DRC11: variants seen among roughly 807,000 people sequenced by gnomAD.
DRC11 encodes IQ and AAA domain-containing protein 1.
chr2:236,437,452 T>C, the DRC11 span, among the ~76,000 whole-genome samples: 2 of 151,870 alleles, frequency 1.3e-5, no homozygotes, highest in South Asian at 2.1e-4. Flanking sequence ...TTTGGGTATA[T>C]ACCCAGTAAT....
At chr2:236,355,749 C>CTCTCTCTCTG in the DRC11 span, among the ~76,000 whole-genome samples, 4 of 107,854 alleles carry the variant, frequency 3.7e-5, no homozygotes, top group African/African-American at 1.2e-4. Context: ...CTCTCTCTCT[C>CTCTCTCTCTG]TGTGTGTGTG....
chr2:236,487,929 C>A, the DRC11 span: 3,816 of 1,061,994 alleles, frequency 3.6e-3, 97 homozygotes, highest in African/African-American at 0.052. Context: ...GAAGCTCAGC[C>A]CCAAAATTGA....
chr2:236,357,358 T>G, the DRC11 span, among the ~76,000 whole-genome samples: 1 of 119,908 alleles, frequency 8.3e-6, no homozygotes, highest in African/African-American at 3.5e-5. Context: ...TATATGTATA[T>G]ATATTATAAA....
At chr2:236,468,962 TGA>T in the DRC11 span, among the ~76,000 whole-genome samples, 1 of 152,240 alleles carries the variant, frequency 6.6e-6, no homozygotes, top group Non-Finnish European at 1.5e-5. Flanking sequence ...ATATTTTACC[TGA>T]GTCTTTTCTC....
the DRC11 span, among the ~76,000 whole-genome samples, chr2:236,340,696 G>T: frequency 2.6e-5 from 4 of 152,282 alleles, no homozygotes; most frequent in African/African-American, 7.2e-5. Context: ...CAACCCAGTT[G>T]CCATGGTGAT....
At chr2:236,493,012 T>C in the DRC11 span, among the ~76,000 whole-genome samples, 2 of 152,228 alleles carry the variant, frequency 1.3e-5, no homozygotes, top group South Asian at 4.1e-4. Flanking sequence ...GTTTTCACAC[T>C]GCTGATAAAG....
At chr2:236,451,991 T>C in the DRC11 span, among the ~76,000 whole-genome samples, 1 of 152,238 alleles carries the variant, frequency 6.6e-6, no homozygotes, top group Non-Finnish European at 1.5e-5. Flanking sequence ...TTGATTTACA[T>C]GTGTCAAATG....
chr2:236,420,935 A>G, the DRC11 span, among the ~76,000 whole-genome samples: 30,561 of 152,084 alleles, frequency 0.2, 3,343 homozygotes, highest in Middle Eastern at 0.28. The surrounding 1 kb of genome is among the most constrained non-coding windows in gnomAD (Gnocchi z 4.8). Flanking sequence ...AAACTGTAAA[A>G]CTTTTCTGCT....
chr2:236,418,409 G>C, the DRC11 span, among the ~76,000 whole-genome samples: 2 of 152,192 alleles, frequency 1.3e-5, no homozygotes, highest in African/African-American at 4.8e-5. Context: ...ATTCCGACTG[G>C]ATTTTGGTCA....
At chr2:236,407,565 G>A in the DRC11 span, among the ~76,000 whole-genome samples, 2 of 152,118 alleles carry the variant, frequency 1.3e-5, no homozygotes, top group Non-Finnish European at 2.9e-5. Flanking sequence ...ATATAAAAGG[G>A]CACAGAAGAT....
the DRC11 span, chr2:236,344,529 C>G: frequency 2.6e-6 from 4 of 1,567,642 alleles, no homozygotes; most frequent in Non-Finnish European, 3.5e-6. Flanking sequence ...AAAGAAAAGG[C>G]AAAAGTAAGG....
the DRC11 span, among the ~76,000 whole-genome samples, chr2:236,479,577 C>T: frequency 6.6e-6 from 1 of 152,100 alleles, no homozygotes; most frequent in Non-Finnish European, 1.5e-5. This position sits in a 1 kb window ranked among gnomAD's most constrained non-coding sequence, Gnocchi z 4.1. Flanking sequence ...TGAGGACTTA[C>T]CTTTGATCAC....
At chr2:236,389,611 A>G in the DRC11 span, among the ~76,000 whole-genome samples, 2 of 152,100 alleles carry the variant, frequency 1.3e-5, no homozygotes, top group African/African-American at 2.4e-5. Context: ...AAATGCAGAA[A>G]TCACCCGTCT....
At chr2:236,443,123 A>T in the DRC11 span, among the ~76,000 whole-genome samples, 1 of 152,178 alleles carries the variant, frequency 6.6e-6, no homozygotes, top group African/African-American at 2.4e-5. This position sits in a 1 kb window ranked among gnomAD's most constrained non-coding sequence, Gnocchi z 4.4. Context: ...AGTCTGAATA[A>T]TATTATTTTT....
the DRC11 span, among the ~76,000 whole-genome samples, chr2:236,458,507 A>G: frequency 6.6e-6 from 1 of 152,154 alleles, no homozygotes; most frequent in Non-Finnish European, 1.5e-5. Context: ...TTTGAAGAAA[A>G]CCTCATTCAA....
At chr2:236,307,488 G>A in the DRC11 span, among the ~76,000 whole-genome samples, 2 of 152,228 alleles carry the variant, frequency 1.3e-5, no homozygotes, top group Non-Finnish European at 2.9e-5. This position sits in a 1 kb window ranked among gnomAD's most constrained non-coding sequence, Gnocchi z 7.0. Context: ...AAGCCTCACA[G>A]TGACTTGTCA....
chr2:236,469,604 T>C, the DRC11 span, among the ~76,000 whole-genome samples: 1 of 152,238 alleles, frequency 6.6e-6, no homozygotes, highest in Non-Finnish European at 1.5e-5. The surrounding 1 kb of genome is among the most constrained non-coding windows in gnomAD (Gnocchi z 5.8). Flanking sequence ...TATGTGTGTA[T>C]TCATGCATGT....
chr2:236,446,305 G>T, the DRC11 span, among the ~76,000 whole-genome samples: 1 of 152,138 alleles, frequency 6.6e-6, no homozygotes, highest in Non-Finnish European at 1.5e-5. This position sits in a 1 kb window ranked among gnomAD's most constrained non-coding sequence, Gnocchi z 6.2. Context: ...AGGGGAGAGG[G>T]CAGATGATCA....
the DRC11 span, among the ~76,000 whole-genome samples, chr2:236,412,106 G>A: frequency 6.6e-6 from 1 of 152,106 alleles, no homozygotes; most frequent in African/African-American, 2.4e-5. Context: ...ATGTTGCCCA[G>A]GCTGGTCTCG....
Sources: allele counts gnomAD v4.1 joint callset (sites outside exome capture counted in the v4.1 genomes callset), GRCh38; gene constraint gnomAD v4.1.1; non-coding constraint Gnocchi (gnomAD v3.1); transcripts MANE v1.5; gene names NCBI Gene and HGNC (gene_info 2026-07-23, HGNC 2026-07-21).